The following RPS19 variants were observed in gnomAD, a reference collection of about 807,000 sequenced individuals.
The protein encoded by RPS19 is ribosomal protein S19.
Under a neutral mutation model 20.3 loss-of-function variants are expected in RPS19, and 1 was observed. The ratio of observed to expected loss-of-function variants is 0.05; its 90% CI spans 0.02 to 0.23. The LOEUF is 0.23. Among genes scored for constraint, RPS19 ranks in the 10% least tolerant of loss-of-function variants. RPS19 has a pLI of 1.00. For synonymous variants in RPS19, 87 were observed against 74.8 expected (o/e 1.16, Z -0.84); for missense variants, 111 against 192.7 (o/e 0.58, Z 2.51).
chr19:41,867,171 C>T (rs1487931368), intron 3 of RPS19, among the ~76,000 whole-genome samples: 1 of 151,846 alleles, frequency 6.6e-6, no homozygotes, highest in Non-Finnish European at 1.5e-5. Context: ...GGCGTGGTGG[C>T]TTGCACCTGT....
At chr19:41,868,091 G>C (rs78874678) in intron 3 of RPS19, among the ~76,000 whole-genome samples, 3,154 of 152,280 alleles carry the variant, frequency 0.021, 116 homozygotes, top group African/African-American at 0.071. Context: ...TTTAGAACTA[G>C]AGGAAAGAAA....
At chr19:41,861,596 C>T in intron 3 of RPS19, 1 of 342,782 alleles carries the variant, frequency 2.9e-6, no homozygotes, top group South Asian at 2.4e-5. Flanking sequence ...CTCTCTCATC[C>T]CCAAAATGGG....
intron 3 of RPS19, 135 bp downstream of exon 3, chr19:41,861,347 T>A: frequency 1.4e-6 from 1 of 701,172 alleles, no homozygotes; most frequent in Non-Finnish European, 2.6e-6. Flanking sequence ...CCACTTGCTT[T>A]GTGTGATGTG....
At chr19:41,861,397 T>C in intron 3 of RPS19, 185 bp downstream of exon 3, 2 of 621,872 alleles carry the variant, frequency 3.2e-6, no homozygotes, top group Non-Finnish European at 5.8e-6. Flanking sequence ...TATGACATTC[T>C]AAGAGCTTTG....
rs35987051 is a variant in RPS19 at position 41,870,849 on chromosome 19, C to CTTTTTTTTTT, written c.412-480_412-471dup. On this transcript the variant is annotated intron_variant, in intron 5 of 5. Coordinates refer to ENST00000598742, the MANE Select transcript of RPS19 (RefSeq NM_001022.4). ...TGGACTCCACTCCGCCACTCCCTTCCTTTTTTTTTTTTTTTTTTTTTTTTT... is the reference window on the plus strand; with the variant it reads ...TGGACTCCACTCCGCCACTCCCTTCCTTTTTTTTTTTTTTTTTTTTTTTTTTTTTTTTTTT... Among the ~76,000 whole-genome samples the CTTTTTTTTTT allele has an allele frequency of 1.5e-3, 66 of 44,032 alleles. 1 individual carries two copies. Among genetic ancestry groups the CTTTTTTTTTT allele is most frequent in the African/African-American group, 5.2e-3 (57 of 10,868 alleles). The allele number at this position is 44,032 out of a possible 152,430, so 28.9% of individuals were successfully genotyped here.
Position 41,861,102 on chromosome 19 carries a change from T to G in RPS19, c.72-10T>G, listed in dbSNP as rs1176399879. ...ACTGAATCGTGCTTTTCCCACTGTT[T>G]TGGTCTTAGGTCCGGGAAGCTGAAA... On this transcript the variant is annotated splice_polypyrimidine_tract_variant and intron_variant, in intron 2 of 5. Transcript: ENST00000598742. 2 of 1,610,638 alleles carry G rather than the reference T, an allele frequency of 1.2e-6. No individual in the cohort carries two copies. Among genetic ancestry groups the G allele is most frequent in the Non-Finnish European group, 1.7e-6 (2 of 1,177,078 alleles).
At position 41,871,629 on chromosome 19, in the gene RPS19, T is replaced by G; in HGVS notation, c.*252T>G. The G allele has an allele frequency of 6.2e-6, 3 of 487,594 alleles. No individual in the cohort carries two copies. The highest frequency in any genetic ancestry group is 1.1e-5 in the Non-Finnish European group (3 of 267,992). 30.2% of individuals were successfully genotyped at this position (487,594 alleles called of 1,614,324 possible). ...CTTCAGGGGCATGAGGAAGAGGCGC[T>G]TCCTCCCTTCCCTTGGGTGAGGGGG... On this transcript the variant is annotated 3_prime_UTR_variant, in exon 6 of 6. Transcript: ENST00000598742.
intron 3 of RPS19, among the ~76,000 whole-genome samples, chr19:41,867,453 G>A (rs371341789): frequency 2.6e-5 from 4 of 151,996 alleles, no homozygotes; most frequent in South Asian, 4.2e-4. Context: ...GGGTTACAGC[G>A]GGTGTGCCAC....
chr19:41,869,671 G>A, intron 4 of RPS19, 28 bp from the exon 5 acceptor site: 10 of 1,612,488 alleles, frequency 6.2e-6, no homozygotes, highest in Non-Finnish European at 7.6e-6. Flanking sequence ...TGCTCACTGG[G>A]GCCTGCATGA....
At chr19:41,863,603 G>A (rs2074055334) in intron 3 of RPS19, among the ~76,000 whole-genome samples, 1 of 152,168 alleles carries the variant, frequency 6.6e-6, no homozygotes, top group South Asian at 2.1e-4. Flanking sequence ...TGAGTGTGAG[G>A]TAGACAGGTC....
At chr19:41,862,670 A>G (rs181083628) in intron 3 of RPS19, among the ~76,000 whole-genome samples, 95 of 151,214 alleles carry the variant, frequency 6.3e-4, no homozygotes, top group Non-Finnish European at 2.1e-4. Context: ...GGAGGGATTA[A>G]CAAGAGATGG....
chr19:41,867,812 T>C (rs1328297920), intron 3 of RPS19, among the ~76,000 whole-genome samples: 1 of 152,146 alleles, frequency 6.6e-6, no homozygotes, highest in Non-Finnish European at 1.5e-5. Flanking sequence ...TTTTGTGTTT[T>C]AAGAAAAAAG....
intron 3 of RPS19, among the ~76,000 whole-genome samples, chr19:41,865,948 T>TA (rs2074082333): frequency 7.7e-4 from 42 of 54,756 alleles, no homozygotes; most frequent in African/African-American, 2.6e-3. Flanking sequence ...GACTCCGTCT[T>TA]TAAAAAAAAA....
intron 3 of RPS19, among the ~76,000 whole-genome samples, chr19:41,862,044 G>T (rs1446631620): frequency 1.4e-5 from 2 of 139,788 alleles, no homozygotes; most frequent in African/African-American, 5.1e-5. Context: ...TCACTAAGGG[G>T]CCTCGGCCTC....
rs1267163553 is a variant in RPS19 at position 41,871,380 on chromosome 19, C to T, written c.*3C>T. 1.9e-6 allele frequency: 3 copies of T among 1,613,290 alleles called. No homozygotes were observed. The highest frequency in any genetic ancestry group is 2.5e-6 in the Non-Finnish European group (3 of 1,179,430). ...CAGCTGCCAACAAGAAGCATTAGAA[C>T]AAACCATGCTGGGTTAATAAATTGC... is the stretch of plus-strand genomic sequence containing the variant. On this transcript the variant is annotated 3_prime_UTR_variant, in exon 6 of 6. Coordinates refer to ENST00000598742, the MANE Select transcript of RPS19 (RefSeq NM_001022.4).
intron 3 of RPS19, chr19:41,863,955 A>C (rs1555839914): frequency 6.8e-6 from 1 of 146,584 alleles, no homozygotes; most frequent in Non-Finnish European, 1.5e-5. Flanking sequence ...CAATTCTCCT[A>C]CCTCAGCCTC....
intron 3 of RPS19, among the ~76,000 whole-genome samples, chr19:41,865,223 G>C (rs782283232): frequency 2.7e-4 from 41 of 152,104 alleles, no homozygotes; most frequent in Non-Finnish European, 4.7e-4. Flanking sequence ...AAATTAGCCA[G>C]GCGTGGTAGC....
At chr19:41,866,458 T>TG (rs1360039748) in intron 3 of RPS19, among the ~76,000 whole-genome samples, 1 of 152,050 alleles carries the variant, frequency 6.6e-6, no homozygotes, top group Non-Finnish European at 1.5e-5. Flanking sequence ...CTGGCAGGAT[T>TG]GTGGGGGGTG....
chr19:41,860,816 C>T lies in RPS19; in HGVS notation c.42C>T (p.Phe14=), dbSNP rs782485530. 2.5e-6 allele frequency: 4 copies of T among 1,613,806 alleles called. No homozygotes were observed. Among genetic ancestry groups the T allele is most frequent in the South Asian group, 2.2e-5 (2 of 91,078 alleles). Residue 14 remains phenylalanine (F), a synonymous_variant, in exon 2 of 6, where the codon TTC becomes TTT. Transcript: ENST00000598742. ...VTVKDVNQQE[F]VRALAAFLKK... is the part of the protein sequence containing the mutation. ...TAAAAGACGTGAACCAGCAGGAGTT[C>T]GTCAGAGCTCTGGCAGCCTTCCTCA...
Sources: gnomAD v4.1 joint callset for allele counts (sites outside exome capture counted in the v4.1 genomes callset) on GRCh38, gnomAD v4.1.1 for gene constraint, MANE v1.5 for transcripts, NCBI Gene and HGNC (gene_info 2026-07-23, HGNC 2026-07-21) for gene names.